Variants in FAT3 observed in about 807,000 individuals in gnomAD.
FAT3 encodes the protein FAT atypical cadherin 3.
FAT3 carries 95 observed loss-of-function variants against 310.2 expected under a neutral mutation model. That is an observed-to-expected ratio of 0.31 (90% CI 0.26 to 0.36). The LOEUF (loss-of-function observed/expected upper bound fraction) is 0.36, where lower values mean the gene tolerates loss of function less well. FAT3 is among the 10% of genes least tolerant of loss of function. The pLI, the probability that FAT3 is intolerant of heterozygous loss-of-function variation, is 1.00. For synonymous variants in FAT3, 2,314 were observed against 2,192.9 expected, an observed-to-expected ratio of 1.06 and a Z score of -1.54; for missense variants, 5,408 against 5,715.6, an observed-to-expected ratio of 0.95 and a Z score of 1.74.
rs1948689588 is a variant in FAT3, at chr11:92,354,894, G to A, written c.2782G>A (p.Asp928Asn). The change falls in exon 2 of 28, where the codon GAT (aspartate) becomes AAT (asparagine). Residue 928 changes from aspartate (D) to asparagine (N), a missense_variant. Physicochemically the swap from Asp to Asn is conservative, Grantham distance 23 (BLOSUM62 1). Transcript: ENST00000525166. ...SVVTLKVFLDDVNDCSPAFIP... is the reference protein window; with the variant it reads ...SVVTLKVFLDNVNDCSPAFIP... ...TGTCACTCTTAAAGTTTTTTTAGATGATGTCAATGACTGCTCCCCAGCTTT... is the reference window on the plus strand; with the variant it reads ...TGTCACTCTTAAAGTTTTTTTAGATAATGTCAATGACTGCTCCCCAGCTTT... 19 of 1,613,900 alleles carry A rather than the reference G, an allele frequency of 1.2e-5. No individual in the cohort carries two copies. Among genetic ancestry groups the A allele is most frequent in the Middle Eastern group, 1.6e-4 (1 of 6,062 alleles).
At chr11:92,655,307 ACT>A (rs539479874) in intron 3 of FAT3, among the ~76,000 whole-genome samples, 31 of 152,252 alleles carry the variant, frequency 2.0e-4, no homozygotes, top group African/African-American at 6.0e-4. Context: ...GTTTTGATAC[ACT>A]CTGTATTTCC....
At chr11:92,804,895 A>G (rs1487709575) in intron 10 of FAT3, among the ~76,000 whole-genome samples, 1 of 152,208 alleles carries the variant, frequency 6.6e-6, no homozygotes, top group Non-Finnish European at 1.5e-5. Context: ...GGGGAACTAA[A>G]CAAGAGATCA....
At chr11:92,252,726 T>C (rs1472433960) in intron 1 of FAT3, among the ~76,000 whole-genome samples, 2 of 152,168 alleles carry the variant, frequency 1.3e-5, no homozygotes, top group East Asian at 3.9e-4. Flanking sequence ...TAGTTCTCTA[T>C]GCTGGCTGTG....
chr11:92,530,979 G>GT (rs965084988), intron 3 of FAT3, among the ~76,000 whole-genome samples: 5 of 151,582 alleles, frequency 3.3e-5, no homozygotes, highest in African/African-American at 1.2e-4. Context: ...ATCTATTGTT[G>GT]TTTTTTGTTC....
intron 1 of FAT3, among the ~76,000 whole-genome samples, chr11:92,253,440 G>A (rs1048307969): frequency 2.6e-5 from 4 of 151,946 alleles, no homozygotes; most frequent in African/African-American, 4.8e-5. Flanking sequence ...TTGATCTATC[G>A]TCAACTTGGC....
chr11:92,324,973 G>T (rs1947726719), intron 1 of FAT3, among the ~76,000 whole-genome samples: 1 of 152,196 alleles, frequency 6.6e-6, no homozygotes, highest in Admixed American at 6.5e-5. Context: ...TTCTAGCAGA[G>T]ATATTCTAGG....
chr11:92,642,175 G>A (rs186803431), intron 3 of FAT3, among the ~76,000 whole-genome samples: 45 of 152,306 alleles, frequency 3.0e-4, no homozygotes, highest in Admixed American at 2.2e-3. Context: ...CATGGATGCT[G>A]GTAGAGGAAA....
In FAT3 at chr11:92,442,081, TTA is replaced by T. The variant is rs869247397; in HGVS notation, c.3293-82523_3293-82522del. On this transcript the variant is annotated intron_variant, in intron 2 of 27. Transcript: ENST00000525166. ...GTGCAAAACTTAAGAAATATATATTTTATATATATATATATATATATATATAT... is the reference window on the plus strand; with the variant it reads ...GTGCAAAACTTAAGAAATATATATTTTATATATATATATATATATATATAT... Among the ~76,000 whole-genome samples, 166 of 69,970 alleles carry T rather than the reference TTA, an allele frequency of 2.4e-3. 3 individuals are homozygous for T. Among genetic ancestry groups the T allele is most frequent in the South Asian group, 6.6e-3 (10 of 1,506 alleles). The allele number at this position is 69,970 out of a possible 152,430, so 45.9% of individuals were successfully genotyped here. A position where few individuals can be genotyped will look rare whatever the true frequency, so the allele number is the denominator to read the frequency against.
At chr11:92,281,509 C>A (rs995588184) in intron 1 of FAT3, among the ~76,000 whole-genome samples, 11 of 152,280 alleles carry the variant, frequency 7.2e-5, no homozygotes, top group African/African-American at 2.6e-4. Context: ...TCCGCAGGGC[C>A]TGTGCTTAAC....
intron 1 of FAT3, among the ~76,000 whole-genome samples, chr11:92,245,101 G>C (rs1187165): frequency 0.61 from 92,232 of 151,908 alleles, 28,433 homozygotes; most frequent in African/African-American, 0.72. Flanking sequence ...AAATGCCCAT[G>C]AATGATAGAC....
chr11:92,266,310 A>AATGT (rs1443750201), intron 1 of FAT3, among the ~76,000 whole-genome samples: 3 of 152,126 alleles, frequency 2.0e-5, no homozygotes, highest in Non-Finnish European at 4.4e-5. Flanking sequence ...TACCCTCGAC[A>AATGT]ATGTATTTTC....
In FAT3 at chr11:92,844,567, C is replaced by T. The variant is rs373525308; in HGVS notation, c.11200C>T (p.Arg3734Cys). ...TAGAAGACACCTGGAGAATATCATG[C>T]GCATCTCAGCCATCTTGGAGAAGAA... ...NARRHLENIM[R>C]ISAILEKNCS... Residue 3734 changes from arginine (R) to cysteine (C), a missense_variant, in exon 19 of 28, where the codon CGC becomes TGC. By Grantham distance (180) the Arg-to-Cys change is radical. This residue lies in a region of FAT3 where 4,588 missense variants were observed against 4,809.8 expected (regional missense o/e 0.95). Coordinates refer to ENST00000525166, the MANE Select transcript of FAT3 (RefSeq NM_001367949.2). The T allele has an allele frequency of 1.2e-5, 19 of 1,613,844 alleles. No individual in the cohort carries two copies. The highest frequency in any genetic ancestry group is 1.1e-4 in the East Asian group (5 of 44,892).
At chr11:92,744,046 G>T (rs533302613) in intron 4 of FAT3, among the ~76,000 whole-genome samples, 2 of 152,126 alleles carry the variant, frequency 1.3e-5, no homozygotes, top group Non-Finnish European at 2.9e-5. Context: ...TATGTTGTAA[G>T]CAATAGAAAG....
chr11:92,837,518 T>C (rs1948436974), intron 16 of FAT3, 145 bp from the exon 17 acceptor site: 1 of 952,424 alleles, frequency 1.0e-6, no homozygotes. Context: ...ATGTCAGTGG[T>C]GCCAAGAATC....
intron 2 of FAT3, among the ~76,000 whole-genome samples, chr11:92,462,333 C>A (rs1322933422): frequency 6.6e-6 from 1 of 152,076 alleles, no homozygotes; most frequent in African/African-American, 2.4e-5. Flanking sequence ...ACCCTCCACC[C>A]TTGAGTATGT....
Position 92,800,467 on chromosome 11 carries a change from G to A in FAT3, c.7454G>A (p.Arg2485Lys). 6.2e-7 allele frequency: 1 copy of A among 1,613,962 alleles called. No homozygotes were observed. Among genetic ancestry groups the A allele is most frequent in the Non-Finnish European group, 8.5e-7 (1 of 1,179,874 alleles). ...LFTSTAQVHI[R>K]VLGANLYSPA... ...ACCAGCACTGCACAGGTGCATATTA[G>A]GGTACTTGGGGCTAACTTGTACAGC... The change falls in exon 10 of 28, where the codon AGG becomes AAG. Residue 2485 changes from arginine to lysine, a missense_variant. Physicochemically the swap from Arg to Lys is conservative, Grantham distance 26 (BLOSUM62 2). Coordinates refer to ENST00000525166, the MANE Select transcript of FAT3 (RefSeq NM_001367949.2).
chr11:92,653,423 G>A (rs190887255), intron 3 of FAT3, among the ~76,000 whole-genome samples: 263 of 152,144 alleles, frequency 1.7e-3, no homozygotes, highest in African/African-American at 5.8e-3. Context: ...AATATTGCTC[G>A]AAGCTGATAG....
intron 7 of FAT3, among the ~76,000 whole-genome samples, chr11:92,784,577 G>T (rs1051148280): frequency 6.6e-6 from 1 of 152,168 alleles, no homozygotes; most frequent in African/African-American, 2.4e-5. Context: ...GCTCTGAAGA[G>T]ATTTCCTATA....
intron 8 of FAT3, among the ~76,000 whole-genome samples, 181 bp from the exon 9 acceptor site, chr11:92,792,586 T>C (rs1947066135): frequency 6.6e-6 from 1 of 152,194 alleles, no homozygotes; most frequent in Non-Finnish European, 1.5e-5. Context: ...CTGCTCACGA[T>C]TTGCTCACAA....
Sources: gnomAD v4.1 joint callset for allele counts (sites outside exome capture counted in the v4.1 genomes callset) on GRCh38, gnomAD v4.1.1 for gene constraint, gnomAD v4.1.1 regional missense constraint, MANE v1.5 for transcripts, NCBI Gene and HGNC (gene_info 2026-07-23, HGNC 2026-07-21) for gene names.